The following IL1RAPL2 variants were observed in gnomAD, a reference collection of about 807,000 sequenced individuals.
IL1RAPL2 encodes interleukin 1 receptor accessory protein like 2.
Under a neutral mutation model 44.1 loss-of-function variants are expected in IL1RAPL2, and 3 were observed. The ratio of observed to expected loss-of-function variants is 0.07; its 90% CI spans 0.03 to 0.18. The LOEUF (loss-of-function observed/expected upper bound fraction) is 0.18, where lower values mean the gene tolerates loss of function less well. Among genes scored for constraint, IL1RAPL2 ranks in the 10% least tolerant of loss-of-function variants. IL1RAPL2 has a pLI of 1.00. For synonymous variants in IL1RAPL2, 181 were observed against 178.8 expected (o/e 1.01, Z -0.10); for missense variants, 391 against 496.4 (o/e 0.79, Z 2.02).
chrX:105,496,433 A>G (rs2036356985), intron 6 of IL1RAPL2, among the ~76,000 whole-genome samples: 1 of 112,440 alleles, frequency 8.9e-6, no homozygotes, highest in Admixed American at 9.4e-5. Context: ...AAAGTTCTTG[A>G]GAAAGAAAGA....
intron 2 of IL1RAPL2, among the ~76,000 whole-genome samples, chrX:104,924,999 G>A (rs1924738368): frequency 9.1e-6 from 1 of 110,082 alleles, no homozygotes; most frequent in Admixed American, 9.7e-5. Flanking sequence ...TGATAAAGGT[G>A]ACATTTAATG....
At chrX:105,551,928 A>AC (rs1299888991) in intron 6 of IL1RAPL2, among the ~76,000 whole-genome samples, 5 of 110,090 alleles carry the variant, frequency 4.5e-5, no homozygotes, top group Non-Finnish European at 7.6e-5. Flanking sequence ...ACACGGTGAA[A>AC]CCCCGTCTCT....
intron 1 of IL1RAPL2, among the ~76,000 whole-genome samples, chrX:104,569,157 C>T (rs1928098479): frequency 8.9e-6 from 1 of 112,109 alleles, no homozygotes; most frequent in Admixed American, 9.4e-5. Flanking sequence ...CAAGGCCAGA[C>T]CTTTGGAGCA....
At chrX:104,631,790 T>C (rs1929655857) in intron 1 of IL1RAPL2, among the ~76,000 whole-genome samples, 1 of 111,031 alleles carries the variant, frequency 9.0e-6, no homozygotes, top group African/African-American at 3.3e-5. Context: ...ATTCTGTAGG[T>C]TGCCTGTTCA....
intron 5 of IL1RAPL2, among the ~76,000 whole-genome samples, chrX:105,335,684 A>C (rs968931400): frequency 9.0e-6 from 1 of 111,234 alleles, no homozygotes; most frequent in East Asian, 2.9e-4. Context: ...CCAGTCGACC[A>C]CCTCAAATAG....
intron 2 of IL1RAPL2, among the ~76,000 whole-genome samples, chrX:105,070,800 T>C (rs972113338): frequency 9.1e-6 from 1 of 109,690 alleles, no homozygotes; most frequent in African/African-American, 3.3e-5. Flanking sequence ...AACATGAAAA[T>C]CCCCCTTTGT....
At chrX:105,291,644 C>T (rs1285111677) in intron 5 of IL1RAPL2, among the ~76,000 whole-genome samples, 1 of 111,318 alleles carries the variant, frequency 9.0e-6, no homozygotes. Context: ...GAAAAAATCT[C>T]CTTTCTGCCT....
intron 2 of IL1RAPL2, among the ~76,000 whole-genome samples, chrX:104,840,333 T>C (rs1344358042): frequency 8.9e-6 from 1 of 112,296 alleles, no homozygotes; most frequent in Non-Finnish European, 1.9e-5. Flanking sequence ...CTCAGAGTCA[T>C]TCAGGAGCAG....
At chrX:105,318,685 C>G (rs1486719624) in intron 5 of IL1RAPL2, among the ~76,000 whole-genome samples, 1 of 110,625 alleles carries the variant, frequency 9.0e-6, no homozygotes, top group East Asian at 2.9e-4. Flanking sequence ...GCAGGGTAAG[C>G]TATGTAGAAG....
intron 6 of IL1RAPL2, among the ~76,000 whole-genome samples, chrX:105,650,892 C>T (rs747772735): frequency 8.9e-6 from 1 of 112,090 alleles, no homozygotes; most frequent in Non-Finnish European, 1.9e-5. Context: ...TTTTTGTCCA[C>T]GTCAGAAATA....
chrX:105,390,745 G>A (rs2035515595), intron 5 of IL1RAPL2, among the ~76,000 whole-genome samples: 1 of 110,529 alleles, frequency 9.0e-6, no homozygotes, highest in African/African-American at 3.3e-5. Context: ...TTGTAATTCC[G>A]TATGAGAAAA....
chrX:104,901,067 C>CT (rs757554912), intron 2 of IL1RAPL2, among the ~76,000 whole-genome samples: 1 of 110,862 alleles, frequency 9.0e-6, no homozygotes, highest in Non-Finnish European at 1.9e-5. Flanking sequence ...GAACCACTTA[C>CT]TTTAGGTCCT....
chrX:104,575,993 G>C (rs578246987), intron 1 of IL1RAPL2, among the ~76,000 whole-genome samples: 1 of 111,781 alleles, frequency 8.9e-6, no homozygotes, highest in African/African-American at 3.2e-5. Context: ...CTAATAATGG[G>C]TAGTTGTGAC....
chrX:104,643,170 C>T (rs971478157), intron 1 of IL1RAPL2, among the ~76,000 whole-genome samples: 1 of 111,543 alleles, frequency 9.0e-6, no homozygotes, highest in Non-Finnish European at 1.9e-5. Context: ...CAATGTTGAT[C>T]AGCAAAAGGG....
At chrX:105,547,476 G>A (rs1177780544) in intron 6 of IL1RAPL2, among the ~76,000 whole-genome samples, 1 of 111,651 alleles carries the variant, frequency 9.0e-6, no homozygotes, top group African/African-American at 3.3e-5. Context: ...AAAAATATAG[G>A]GCTTAAAACA....
chrX:104,849,371 T>TATATATATATATATATATATATATA (rs1298461170), intron 2 of IL1RAPL2, among the ~76,000 whole-genome samples: 47 of 96,216 alleles, frequency 4.9e-4, no homozygotes, highest in South Asian at 9.0e-4. Context: ...TATATATGGA[T>TATATATATATATATATATATATATA]TACTTACGGA....
At chrX:105,589,547 A>AT (rs2147817776) in intron 6 of IL1RAPL2, among the ~76,000 whole-genome samples, 1 of 111,101 alleles carries the variant, frequency 9.0e-6, no homozygotes, top group African/African-American at 3.3e-5. Flanking sequence ...TTTAGTTGAA[A>AT]TTTTTTATAT....
At position 104,730,313 on chromosome X, in the gene IL1RAPL2, G is replaced by A. The variant is rs1048898317; in HGVS notation, c.82+71318G>A. ...ATGTATACATGTGCCATGCTGGTGT[G>A]CTGCACCCATTAACTCGTCATTTAG... On this transcript the variant is annotated intron_variant, in intron 2 of 10. Transcript: ENST00000372582. 1.1e-3 allele frequency among the ~76,000 whole-genome samples: 116 copies of A among 102,371 alleles called. 1 individual carries two copies. The highest frequency in any genetic ancestry group is 3.0e-4 in the Non-Finnish European group (15 of 49,378). The allele number at this position is 102,371 out of a possible 115,157, so 88.9% of individuals were successfully genotyped here. A position where few individuals can be genotyped will look rare whatever the true frequency, so the allele number is the denominator to read the frequency against.
chrX:104,869,073 C>A (rs1407692232), intron 2 of IL1RAPL2, among the ~76,000 whole-genome samples: 3 of 111,600 alleles, frequency 2.7e-5, no homozygotes, highest in Non-Finnish European at 5.7e-5. Context: ...CTCGGTATAA[C>A]TTTCTGGCCA....
Sources: allele counts gnomAD v4.1 joint callset (sites outside exome capture counted in the v4.1 genomes callset), GRCh38; gene constraint gnomAD v4.1.1; transcripts MANE v1.5; gene names NCBI Gene and HGNC (gene_info 2026-07-23, HGNC 2026-07-21).